CAMK2D: variants seen among roughly 807,000 people sequenced by gnomAD.
CAMK2D encodes the protein calcium/calmodulin dependent protein kinase II delta, also known as calcium/calmodulin-dependent protein kinase type II subunit delta.
CAMK2D carries 37 observed loss-of-function variants against 84.0 expected under a neutral mutation model. That is an observed-to-expected ratio of 0.44 (90% CI 0.34 to 0.58). CAMK2D has a LOEUF of 0.58. CAMK2D is among the 20% of genes least tolerant of loss of function. The pLI is 0.02. For synonymous variants in CAMK2D, 202 were observed against 212.5 expected, an observed-to-expected ratio of 0.95 and a Z score of 0.43; for missense variants, 448 against 652.5, an observed-to-expected ratio of 0.69 and a Z score of 3.41.
intron 16 of CAMK2D, among the ~76,000 whole-genome samples, chr4:113,496,393 GT>G (rs1439670740): frequency 6.7e-6 from 1 of 148,494 alleles, no homozygotes; most frequent in African/African-American, 2.5e-5. Context: ...ATGGGCAGTT[GT>G]TACCACAGTG....
chr4:113,513,194 G>A (rs2098240399), intron 12 of CAMK2D, 134 bp downstream of exon 12: 2 of 1,495,986 alleles, frequency 1.3e-6, no homozygotes, highest in African/African-American at 1.4e-5. Flanking sequence ...GAAGGAATCT[G>A]TGCCACACAT....
At chr4:113,538,246 T>C (rs1414521495) in intron 6 of CAMK2D, among the ~76,000 whole-genome samples, 1 of 152,208 alleles carries the variant, frequency 6.6e-6, no homozygotes, top group Non-Finnish European at 1.5e-5. Flanking sequence ...AACTCAGTCT[T>C]GGAATAAGGC....
intron 16 of CAMK2D, among the ~76,000 whole-genome samples, chr4:113,485,027 G>T (rs987406040): frequency 1.3e-5 from 2 of 152,138 alleles, no homozygotes; most frequent in African/African-American, 2.4e-5. Context: ...TCCCCACGTG[G>T]TTCAGTGCAG....
intron 2 of CAMK2D, among the ~76,000 whole-genome samples, chr4:113,686,154 A>G (rs932463419): frequency 1.3e-5 from 2 of 152,202 alleles, no homozygotes; most frequent in African/African-American, 4.8e-5. Flanking sequence ...GATATCTGCT[A>G]TTAAAACTTA....
intron 8 of CAMK2D, among the ~76,000 whole-genome samples, chr4:113,527,426 G>T (rs1364239461): frequency 6.6e-6 from 1 of 151,872 alleles, no homozygotes; most frequent in Non-Finnish European, 1.5e-5. Flanking sequence ...TTTAGGTAAG[G>T]TATGTGCATT....
intron 3 of CAMK2D, among the ~76,000 whole-genome samples, chr4:113,658,751 T>G (rs1323617841): frequency 6.6e-6 from 1 of 152,178 alleles, no homozygotes; most frequent in Non-Finnish European, 1.5e-5. Context: ...GTGTTACAAT[T>G]TTTGAGATTA....
At chr4:113,637,695 A>G (rs1487819633) in intron 3 of CAMK2D, among the ~76,000 whole-genome samples, 1 of 152,112 alleles carries the variant, frequency 6.6e-6, no homozygotes, top group Non-Finnish European at 1.5e-5. Flanking sequence ...ATAAACTTGG[A>G]TGTAAATTTC....
chr4:113,512,814 A>G (rs911645822), intron 12 of CAMK2D, among the ~76,000 whole-genome samples: 20 of 152,036 alleles, frequency 1.3e-4, no homozygotes, highest in Non-Finnish European at 2.8e-4. Flanking sequence ...CTTGTGATCC[A>G]CCTGCCTCGG....
At chr4:113,526,435 T>TGC in intron 8 of CAMK2D, among the ~76,000 whole-genome samples, 1 of 152,044 alleles carries the variant, frequency 6.6e-6, no homozygotes, top group African/African-American at 2.4e-5. Context: ...TGTGTGTGTG[T>TGC]GTGTGTGTGC....
At chr4:113,583,533 C>T (rs1427983291) in intron 4 of CAMK2D, among the ~76,000 whole-genome samples, 1 of 152,182 alleles carries the variant, frequency 6.6e-6, no homozygotes, top group Non-Finnish European at 1.5e-5. Context: ...CTATGAAACT[C>T]AACTCCTCCA....
At chr4:113,650,030 G>A (rs192813319) in intron 3 of CAMK2D, among the ~76,000 whole-genome samples, 41 of 152,148 alleles carry the variant, frequency 2.7e-4, no homozygotes, top group Middle Eastern at 3.4e-3. Flanking sequence ...AGGTTGCAGT[G>A]AGCCAAGATC....
At chr4:113,490,464 G>A (rs1424440676) in intron 16 of CAMK2D, among the ~76,000 whole-genome samples, 14 of 100,522 alleles carry the variant, frequency 1.4e-4, no homozygotes, top group African/African-American at 1.7e-4. Context: ...GATATGCGGC[G>A]TTATTTCTGA....
intron 4 of CAMK2D, among the ~76,000 whole-genome samples, chr4:113,585,813 G>C (rs1030026520): frequency 6.6e-6 from 1 of 152,124 alleles, no homozygotes. Flanking sequence ...TAAAAATGCA[G>C]TTCCAGTTTT....
intron 3 of CAMK2D, among the ~76,000 whole-genome samples, chr4:113,657,089 AC>A (rs1384568069): frequency 2.0e-5 from 3 of 151,646 alleles, no homozygotes; most frequent in African/African-American, 4.8e-5. Context: ...CCATCCACTG[AC>A]CCCCTCACTC....
Position 113,515,211 on chromosome 4 carries a change from T to TAA in CAMK2D, c.697-22_697-21dup, listed in dbSNP as rs1159248242. On this transcript the variant is annotated intron_variant, in intron 9 of 20. Coordinates refer to ENST00000511664, the MANE Select transcript of CAMK2D (RefSeq NM_001321571.2). ...TGGAAACTTCAAAAATATAAATTTA[T>TAA]AAAAAGTTTAAAAAATAGACACACT... is the stretch of plus-strand genomic sequence containing the variant. 1.3e-6 allele frequency: 2 copies of TAA among 1,550,570 alleles called. No homozygotes were observed. The highest frequency in any genetic ancestry group is 3.8e-5 in the Admixed American group (2 of 52,630).
At chr4:113,681,265 G>A (rs2099344999) in intron 2 of CAMK2D, among the ~76,000 whole-genome samples, 1 of 152,148 alleles carries the variant, frequency 6.6e-6, no homozygotes, top group African/African-American at 2.4e-5. Context: ...CCACATGTCA[G>A]GGGAAGGACC....
intron 2 of CAMK2D, among the ~76,000 whole-genome samples, chr4:113,668,699 GA>G (rs1203649537): frequency 6.6e-6 from 1 of 152,080 alleles, no homozygotes; most frequent in Non-Finnish European, 1.5e-5. Flanking sequence ...TCTATGGTCA[GA>G]AAGAGACAAA....
At chr4:113,490,259 G>A (rs2097818424) in intron 16 of CAMK2D, among the ~76,000 whole-genome samples, 1 of 149,858 alleles carries the variant, frequency 6.7e-6, no homozygotes, top group South Asian at 2.1e-4. Flanking sequence ...TTTCTTCTAG[G>A]GGTTTTATGG....
intron 4 of CAMK2D, among the ~76,000 whole-genome samples, chr4:113,602,518 A>AGAGCCT (rs1289346962): frequency 6.6e-6 from 1 of 152,226 alleles, no homozygotes; most frequent in Non-Finnish European, 1.5e-5. Context: ...GTGACAACCT[A>AGAGCCT]GAGCCTGAGC....
Sources: gnomAD v4.1 joint callset for allele counts (sites outside exome capture counted in the v4.1 genomes callset) on GRCh38, gnomAD v4.1.1 for gene constraint, MANE v1.5 for transcripts, NCBI Gene and HGNC (gene_info 2026-07-23, HGNC 2026-07-21) for gene names.